MEIS2: variants seen among roughly 807,000 people sequenced by gnomAD.
The protein encoded by MEIS2 is Meis homeobox 2.
A neutral mutation model predicts 58.6 loss-of-function variants in MEIS2; 9 were observed. That is an observed-to-expected ratio of 0.15 (90% CI 0.09 to 0.27). The LOEUF (loss-of-function observed/expected upper bound fraction) is 0.27, where lower values mean the gene tolerates loss of function less well. Among genes scored for constraint, MEIS2 ranks in the 10% least tolerant of loss-of-function variants. The pLI, the probability that MEIS2 is intolerant of heterozygous loss-of-function variation, is 1.00. For missense variants in MEIS2, 427 were observed against 635.0 expected (o/e 0.67, Z 3.52); for synonymous variants, 221 against 228.4 (o/e 0.97, Z 0.29).
intron 9 of MEIS2, among the ~76,000 whole-genome samples, chr15:36,899,729 A>C (rs2056371964): frequency 6.6e-6 from 1 of 152,230 alleles, no homozygotes; most frequent in South Asian, 2.1e-4. Flanking sequence ...TGGTTCAAAG[A>C]CAAAAGACTT....
chr15:37,005,940 G>A (rs1449497902), intron 8 of MEIS2, among the ~76,000 whole-genome samples: 1 of 152,174 alleles, frequency 6.6e-6, no homozygotes, highest in Non-Finnish European at 1.5e-5. Context: ...TTATTTCTAC[G>A]TATGTAAGTG....
chr15:36,994,700 A>T (rs1457324912), intron 8 of MEIS2, among the ~76,000 whole-genome samples: 1 of 152,238 alleles, frequency 6.6e-6, no homozygotes, highest in Non-Finnish European at 1.5e-5. Flanking sequence ...AATTTATTTC[A>T]TTAAATGGCT....
rs1048718373 is a variant in MEIS2 at position 37,098,044 on chromosome 15, C to T, written c.168G>A (p.Pro56=). 5 of 1,613,060 alleles carry T rather than the reference C, an allele frequency of 3.1e-6. No homozygotes were observed. The highest frequency in any genetic ancestry group is 1.3e-5 in the African/African-American group (1 of 74,890). ...HATQHYGAHA[P]HPNVMPASMG... is the part of the protein sequence containing the mutation. ...TACTGGCCGGCATGACATTGGGGTG[C>T]GGGGCGTGCGCGCCGTAGTGCTGTG... The change falls in exon 2 of 12, where the codon CCG becomes CCA. Residue 56 remains proline, a synonymous_variant. Transcript: ENST00000561208.
chr15:37,095,876 T>A, intron 3 of MEIS2: 1 of 539,128 alleles, frequency 1.9e-6, no homozygotes, highest in Non-Finnish European at 3.3e-6. Flanking sequence ...TCGAGTTCCA[T>A]ATCCAGCAGT....
At chr15:37,095,945 C>G (rs1894170538) in intron 3 of MEIS2, 1 of 453,126 alleles carries the variant, frequency 2.2e-6, no homozygotes, top group African/African-American at 1.9e-5. Flanking sequence ...GCCCAGCTTC[C>G]TTGCCTCCCG....
At chr15:37,053,858 T>C (rs529415089) in intron 7 of MEIS2, among the ~76,000 whole-genome samples, 1 of 152,222 alleles carries the variant, frequency 6.6e-6, no homozygotes, top group Non-Finnish European at 1.5e-5. Flanking sequence ...GAGACTTATG[T>C]TCTAAACTTT....
At chr15:37,092,305 AT>A (rs1348551998) in intron 6 of MEIS2, among the ~76,000 whole-genome samples, 2 of 152,126 alleles carry the variant, frequency 1.3e-5, no homozygotes, top group Non-Finnish European at 2.9e-5. Flanking sequence ...ATGACTGCAT[AT>A]TTTCAAAACT....
intron 8 of MEIS2, among the ~76,000 whole-genome samples, chr15:37,013,414 T>C (rs979581531): frequency 1.3e-5 from 2 of 151,558 alleles, no homozygotes; most frequent in Non-Finnish European, 2.9e-5. Flanking sequence ...CTACTAAACA[T>C]ACAAAAAATT....
intron 8 of MEIS2, among the ~76,000 whole-genome samples, chr15:36,983,710 A>C (rs1434509915): frequency 6.6e-6 from 1 of 152,068 alleles, no homozygotes; most frequent in Non-Finnish European, 1.5e-5. Context: ...TAAGGATTGC[A>C]ATGAATCCAT....
intron 8 of MEIS2, among the ~76,000 whole-genome samples, chr15:36,991,237 T>A (rs1032804591): frequency 7.6e-6 from 1 of 132,424 alleles, no homozygotes; most frequent in Non-Finnish European, 1.6e-5. Flanking sequence ...TTCTGTAAAA[T>A]CAATGAGATT....
At chr15:37,001,146 G>T (rs936964610) in intron 8 of MEIS2, among the ~76,000 whole-genome samples, 5 of 152,154 alleles carry the variant, frequency 3.3e-5, no homozygotes, top group Admixed American at 2.6e-4. Context: ...GGGGGCTCAG[G>T]CTTCAAGTAA....
At chr15:36,958,217 C>T (rs2059057470) in intron 8 of MEIS2, among the ~76,000 whole-genome samples, 1 of 152,006 alleles carries the variant, frequency 6.6e-6, no homozygotes. Context: ...GGGAAGGCCT[C>T]ATTAAAAAGA....
intron 9 of MEIS2, among the ~76,000 whole-genome samples, chr15:36,913,352 T>C (rs549889625): frequency 6.6e-6 from 1 of 152,214 alleles, no homozygotes; most frequent in Non-Finnish European, 1.5e-5. Context: ...TGATACTTAG[T>C]TTGATTCTCC....
At chr15:36,898,093 A>G (rs962743080) in intron 9 of MEIS2, 3 of 152,216 alleles carry the variant, frequency 2.0e-5, no homozygotes, top group Non-Finnish European at 1.5e-5. Context: ...TTTATTACTT[A>G]AGAAAGTGTA....
intron 9 of MEIS2, chr15:36,896,913 G>A (rs1020010995): frequency 4.1e-5 from 18 of 444,198 alleles, no homozygotes; most frequent in African/African-American, 5.9e-5. Context: ...GCTCAGGGAC[G>A]GAATAAAGTT....
At chr15:37,099,041 C>T (rs1347233861) in intron 1 of MEIS2, 1 of 983,628 alleles carries the variant, frequency 1.0e-6, no homozygotes, top group Non-Finnish European at 1.2e-6. Flanking sequence ...GCGGCTCCTA[C>T]GCAGCCCGTG....
Position 37,013,085 on chromosome 15 carries a change from G to GAGGT in MEIS2, c.900+23725_900+23728dup. ...TTGATTCTTCTTCCCTAGGACTCTA[G>GAGGT]AGGTAGTGATGAGAGAAAGGAAACT... On this transcript the variant is annotated intron_variant, in intron 8 of 11. Transcript: ENST00000561208. Among the ~76,000 whole-genome samples, 3 of 152,300 alleles carry GAGGT rather than the reference G, an allele frequency of 2.0e-5. No homozygotes were observed. In the East Asian group the frequency reaches 5.8e-4, roughly 29 times the overall value.
rs369474443 is a variant in MEIS2, at chr15:36,972,969, G to GT, written c.901-22570dup. On this transcript the variant is annotated intron_variant, in intron 8 of 11. Transcript: ENST00000561208. ...AACAACTATCTTTTAAATCTCTTAA[G>GT]TATGTACTAGAATTAGTCTGTGTTT... The GT allele has an allele frequency of 2.7e-3, 418 of 152,206 alleles. 2 individuals carry two copies. The highest frequency in any genetic ancestry group is 9.4e-3 in the African/African-American group (390 of 41,528). The allele number at this position is 152,206 out of a possible 1,614,324, so 9.4% of individuals were successfully genotyped here.
intron 8 of MEIS2, among the ~76,000 whole-genome samples, chr15:36,981,432 T>G (rs1008793949): frequency 2.0e-5 from 3 of 152,192 alleles, no homozygotes; most frequent in Non-Finnish European, 4.4e-5. Flanking sequence ...TTTCCTTTCC[T>G]GCATTGACTA....
Sources: allele counts gnomAD v4.1 joint callset (sites outside exome capture counted in the v4.1 genomes callset), GRCh38; gene constraint gnomAD v4.1.1; transcripts MANE v1.5; gene names NCBI Gene and HGNC (gene_info 2026-07-23, HGNC 2026-07-21).